RYR2: variants seen among roughly 807,000 people sequenced by gnomAD.
RYR2 encodes the protein cardiac muscle ryanodine receptor-calcium release channel.
In RYR2, 227 loss-of-function variants were observed where a neutral mutation model predicts 601.1. The ratio of observed to expected loss-of-function variants is 0.38; its 90% CI spans 0.34 to 0.42. RYR2 has a LOEUF of 0.42. Ranked by LOEUF, RYR2 falls within the 10% of genes least tolerant of loss-of-function variation. The probability of loss-of-function intolerance (pLI) is 1.00; values close to 1 mark genes in which losing one functional copy is unlikely to be tolerated. For missense variants in RYR2, 4,646 were observed against 6,156.5 expected (o/e 0.75, Z 8.21); for synonymous variants, 2,223 against 2,175.1 (o/e 1.02, Z -0.61).
At chr1:237,829,672 G>C (rs999513408) in intron 102 of RYR2, among the ~76,000 whole-genome samples, 1 of 152,160 alleles carries the variant, frequency 6.6e-6, no homozygotes, top group Non-Finnish European at 1.5e-5. Context: ...TGATCAGTAA[G>C]GCAGGAAGAA....
Position 237,500,669 on chromosome 1 carries a change from T to TA in RYR2, c.2204-35dup, listed in dbSNP as rs141873907. On this transcript the variant is annotated intron_variant, in intron 20 of 104. Coordinates refer to ENST00000366574, the MANE Select transcript of RYR2 (RefSeq NM_001035.3). ...TGGCTCTGAAGCTGATTCTCTGAGA[T>TA]AAAAAAATACATGACCTTCCTTAAT... 126 of 1,511,286 alleles carry TA rather than the reference T, an allele frequency of 8.3e-5. No individual in the cohort carries two copies. The African/African-American group carries it at 1.2e-3, about 15-fold the overall frequency. 93.6% of individuals were successfully genotyped at this position (1,511,286 alleles called of 1,614,324 possible).
At chr1:237,348,051 A>G (rs1404030841) in intron 3 of RYR2, among the ~76,000 whole-genome samples, 1 of 152,162 alleles carries the variant, frequency 6.6e-6, no homozygotes, top group Non-Finnish European at 1.5e-5. Flanking sequence ...TGGCCTGACA[A>G]CGTAGGCAGA....
intron 27 of RYR2, chr1:237,555,225 T>A (rs1020845439): frequency 2.0e-5 from 3 of 152,152 alleles, no homozygotes; most frequent in Non-Finnish European, 4.4e-5. Context: ...CATTGCCTTA[T>A]GATAATATAG....
At chr1:237,271,827 G>A (rs1306584554) in intron 2 of RYR2, among the ~76,000 whole-genome samples, 1 of 152,082 alleles carries the variant, frequency 6.6e-6, no homozygotes, top group East Asian at 1.9e-4. Context: ...AGCCTGGTGG[G>A]CCAATGTGAA....
At chr1:237,395,773 C>T (rs2149896133) in intron 10 of RYR2, among the ~76,000 whole-genome samples, 1 of 152,186 alleles carries the variant, frequency 6.6e-6, no homozygotes, top group Non-Finnish European at 1.5e-5. Flanking sequence ...GTCTTGATCT[C>T]CTGAACTCGT....
chr1:237,371,805 C>A (rs1040232271), intron 6 of RYR2, among the ~76,000 whole-genome samples: 2 of 152,050 alleles, frequency 1.3e-5, no homozygotes, highest in South Asian at 4.1e-4. Flanking sequence ...GGACAAAAAA[C>A]CAAACACTGC....
At chr1:237,300,089 TTGTTTGAATCGGTA>T (rs1693201056) in intron 2 of RYR2, among the ~76,000 whole-genome samples, 1 of 152,174 alleles carries the variant, frequency 6.6e-6, no homozygotes, top group African/African-American at 2.4e-5. Context: ...CACTCACTTT[TTGTTTGAATCGGTA>T]CAAGTCACCT....
chr1:237,790,421 C>T (rs1319377753), intron 92 of RYR2, among the ~76,000 whole-genome samples: 1 of 152,166 alleles, frequency 6.6e-6, no homozygotes, highest in African/African-American at 2.4e-5. Context: ...TACTAACTTT[C>T]TAACGGGTCC....
At chr1:237,679,204 T>G (rs1266495652) in intron 61 of RYR2, among the ~76,000 whole-genome samples, 1 of 152,210 alleles carries the variant, frequency 6.6e-6, no homozygotes, top group Non-Finnish European at 1.5e-5. Context: ...AATGCTGTAT[T>G]CGCAGCCTCT....
chr1:237,367,876 G>A (rs1002142644), intron 5 of RYR2, among the ~76,000 whole-genome samples: 4 of 152,128 alleles, frequency 2.6e-5, no homozygotes, highest in African/African-American at 9.7e-5. Context: ...TTTGACAGTT[G>A]TTTACTGAGT....
At chr1:237,204,305 G>C (rs774903125) in intron 1 of RYR2, among the ~76,000 whole-genome samples, 4 of 152,186 alleles carry the variant, frequency 2.6e-5, no homozygotes, top group Admixed American at 6.5e-5. Flanking sequence ...CACCACGCCT[G>C]GCCCATGTCT....
At chr1:237,063,911 A>G (rs1663206961) in intron 1 of RYR2, among the ~76,000 whole-genome samples, 1 of 151,656 alleles carries the variant, frequency 6.6e-6, no homozygotes, top group African/African-American at 2.4e-5. Context: ...TCTGGCTTCC[A>G]TTATTTCTCT....
At chr1:237,780,945 A>AGAT (rs1178767444) in intron 88 of RYR2, among the ~76,000 whole-genome samples, 4 of 152,244 alleles carry the variant, frequency 2.6e-5, no homozygotes, top group Non-Finnish European at 5.9e-5. Context: ...AAGATAAGAT[A>AGAT]GATGTCAAAT....
At chr1:237,550,499 G>T in intron 26 of RYR2, 45 bp from the exon 27 acceptor site, 1 of 1,586,536 alleles carries the variant, frequency 6.3e-7, no homozygotes, top group Non-Finnish European at 8.6e-7. Flanking sequence ...ATTTCTAAAA[G>T]CCCTTGGTAT....
intron 3 of RYR2, among the ~76,000 whole-genome samples, chr1:237,333,302 A>G (rs1274215035): frequency 1.3e-5 from 2 of 152,236 alleles, no homozygotes; most frequent in African/African-American, 4.8e-5. Flanking sequence ...GGTACCGTAT[A>G]TTAGGGAAAA....
intron 17 of RYR2, among the ~76,000 whole-genome samples, chr1:237,475,354 G>GC (rs199582838): frequency 6.6e-6 from 1 of 150,850 alleles, no homozygotes; most frequent in South Asian, 2.1e-4. Context: ...TTTTTGTGGG[G>GC]TTTTTTAATC....
In RYR2 at chr1:237,506,770, C is replaced by T. The variant is rs1018507701; in HGVS notation, c.2674C>T (p.Leu892Phe). Residue 892 changes from leucine (L) to phenylalanine (F), a missense_variant, in exon 23 of 105, where the codon CTC becomes TTC. This residue lies in a region of RYR2 where 1,807 missense variants were observed against 2,088.1 expected (regional missense o/e 0.87). Coordinates refer to ENST00000366574, the MANE Select transcript of RYR2 (RefSeq NM_001035.3). ...AAAACTGGCAGAGAATATCCATGAA[C>T]TCTGGGTTATGAATAAAATTGAGCT... Reference protein sequence around the residue: ...REKLAENIHELWVMNKIELGW... With the variant: ...REKLAENIHEFWVMNKIELGW... The T allele has an allele frequency of 1.2e-6, 2 of 1,613,656 alleles. No homozygotes were observed. Among genetic ancestry groups the T allele is most frequent in the Non-Finnish European group, 1.7e-6 (2 of 1,179,774 alleles).
chr1:237,104,627 A>G (rs1303159376), intron 1 of RYR2, among the ~76,000 whole-genome samples: 1 of 151,746 alleles, frequency 6.6e-6, no homozygotes, highest in African/African-American at 2.4e-5. Context: ...CTCCTTTCTG[A>G]TAGCCTTTGT....
intron 4 of RYR2, among the ~76,000 whole-genome samples, chr1:237,357,118 T>A (rs1399723676): frequency 6.6e-6 from 1 of 152,160 alleles, no homozygotes; most frequent in Non-Finnish European, 1.5e-5. Flanking sequence ...CCATTTCTGA[T>A]GACCTTTGAA....
Sources: gnomAD v4.1 joint callset for allele counts (sites outside exome capture counted in the v4.1 genomes callset) on GRCh38, gnomAD v4.1.1 for gene constraint, gnomAD v4.1.1 regional missense constraint, MANE v1.5 for transcripts, NCBI Gene and HGNC (gene_info 2026-07-23, HGNC 2026-07-21) for gene names.